Variants in ZNF717 observed in about 807,000 individuals in gnomAD.
ZNF717 encodes zinc finger protein 717, also known as krueppel-like factor X17.
Under a neutral mutation model 13.8 loss-of-function variants are expected in ZNF717, and 9 were observed. That is an observed-to-expected ratio of 0.65 (90% CI 0.39 to 1.14). The LOEUF (loss-of-function observed/expected upper bound fraction) is 1.14. Ranked by LOEUF, ZNF717 falls within the 50% of genes most tolerant of loss-of-function variation. The pLI is 0.01. For missense variants in ZNF717, 1,040 were observed against 1,080.7 expected (o/e 0.96, Z 0.53); for synonymous variants, 327 against 364.1 (o/e 0.90, Z 1.16).
intron 2 of ZNF717, among the ~76,000 whole-genome samples, chr3:75,749,592 T>G (rs1164716638): frequency 6.6e-6 from 1 of 152,082 alleles, no homozygotes; most frequent in Non-Finnish European, 1.5e-5. Flanking sequence ...TCTGAATATC[T>G]GTCCCTAACA....
chr3:75,707,665 G>A (rs1259207129), downstream of ZNF717, among the ~76,000 whole-genome samples: 1 of 152,190 alleles, frequency 6.6e-6, no homozygotes, highest in Non-Finnish European at 1.5e-5. Context: ...GCCTCACTCA[G>A]GAAGCTCACG....
Position 75,779,158 on chromosome 3 carries a change from A to T in ZNF717, c.57+4148T>A, listed in dbSNP as rs1283940233. Among the ~76,000 whole-genome samples, 3 of 152,124 alleles carry T rather than the reference A, an allele frequency of 2.0e-5. No homozygotes were observed. In the East Asian group the frequency reaches 5.8e-4, roughly 29 times the overall value. On this transcript the variant is annotated intron_variant, in intron 2 of 4. Coordinates refer to ENST00000652011, the MANE Select transcript of ZNF717 (RefSeq NM_001290208.3). ...CACAAAACAATGGGAGTGACGTGCG[A>T]AAACCGGAACCCAAAACAATGGGAG...
intron 4 of ZNF717, among the ~76,000 whole-genome samples, chr3:75,724,161 G>A (rs111427159): frequency 0.011 from 1,260 of 112,562 alleles, no homozygotes; most frequent in Non-Finnish European, 0.015. Context: ...CATTGGAGAT[G>A]GCTCACACTC....
At chr3:75,776,311 T>C (rs1373671433) in intron 2 of ZNF717, among the ~76,000 whole-genome samples, 1 of 152,286 alleles carries the variant, frequency 6.6e-6, no homozygotes, top group Non-Finnish European at 1.5e-5. Context: ...TTGTCAAACC[T>C]ATATTCCTAG....
intron 1 of ZNF717, chr3:75,785,067 T>G (rs1945066370): frequency 6.6e-6 from 1 of 152,190 alleles, no homozygotes; most frequent in African/African-American, 2.4e-5. Flanking sequence ...GAAACTTCAC[T>G]TGCTAAAGAG....
intron 2 of ZNF717, among the ~76,000 whole-genome samples, chr3:75,778,586 A>G (rs1944526319): frequency 6.6e-6 from 1 of 151,102 alleles, no homozygotes; most frequent in Middle Eastern, 3.2e-3. Context: ...AAACAATGGG[A>G]GTGACCTGCC....
Position 75,738,232 on chromosome 3 carries a change from G to A in ZNF717, c.1391C>T (p.Ser464Leu), listed in dbSNP as rs1449738439. ...AGTTCTCTGATGTAACCTGAGGTTT[G>A]ACTTATTGATAAAGGGTTTTCCACA... ...NECGKPFINK[S>L]NLRLHQRTHT... is the part of the protein sequence containing the mutation. The change falls in exon 5 of 5, where the codon TCA becomes TTA. Residue 464 changes from serine (S) to leucine (L), a missense_variant. Physicochemically the swap from Ser to Leu is moderately radical, Grantham distance 145. This residue lies in a region of ZNF717 where 873 missense variants were observed against 832.8 expected (regional missense o/e 1.05). Transcript: ENST00000652011. 3.6e-4 allele frequency: 548 copies of A among 1,542,658 alleles called. No homozygotes were observed. The African/African-American group carries it at 5.4e-3, about 15-fold the overall frequency.
intron 4 of ZNF717, 87 bp downstream of exon 4, chr3:75,741,188 GA>G: frequency 6.3e-6 from 5 of 795,338 alleles, no homozygotes; most frequent in South Asian, 5.9e-5. Context: ...AAGACCTAGG[GA>G]AAAAAGTGGT....
chr3:75,713,001 C>T (rs1223105204), intron 5 of ZNF717, among the ~76,000 whole-genome samples: 5 of 151,872 alleles, frequency 3.3e-5, no homozygotes, highest in Non-Finnish European at 7.4e-5. Context: ...AATCCCAGCA[C>T]TTTGGGAGGC....
Position 75,736,646 on chromosome 3 carries a change from A to C in ZNF717, c.*232T>G. ...TGCAGAAGAAATGTTTGAAGCTGGC[A>C]GAGGTTGGTATATGAGCTTCTAGGA... is the stretch of plus-strand genomic sequence containing the variant. On this transcript the variant is annotated 3_prime_UTR_variant, in exon 5 of 5. Coordinates refer to ENST00000652011, the MANE Select transcript of ZNF717 (RefSeq NM_001290208.3). 1 of 505,372 alleles carries C rather than the reference A, an allele frequency of 2.0e-6. No homozygotes were observed. The allele number at this position is 505,372 out of a possible 1,614,324, so 31.3% of individuals were successfully genotyped here. A position where few individuals can be genotyped will look rare whatever the true frequency, so the allele number is the denominator to read the frequency against.
At chr3:75,732,340 T>G (rs1348999851), downstream of ZNF717, among the ~76,000 whole-genome samples, 4 of 152,232 alleles carry the variant, frequency 2.6e-5, no homozygotes, top group African/African-American at 4.8e-5. Flanking sequence ...AAGTTCATAG[T>G]CCAAAAGCAG....
At position 75,738,968 on chromosome 3, in the gene ZNF717, T is replaced by C. The variant is rs1202977348; in HGVS notation, c.655A>G (p.Asn219Asp). ...TGTATAAAGAACATTGCCTCCGTGT[T>C]GAAGGTTTTCCCTTGTTCATTACAT... The part of the protein sequence containing the change: ...FQCNEQGKTF[N>D]TEAMFFIHKR... Residue 219 changes from asparagine (N) to aspartate (D), a missense_variant, in exon 5 of 5, where the codon AAC (asparagine) becomes GAC (aspartate). Physicochemically the swap from Asn to Asp is conservative, Grantham distance 23. Around this residue, in one of 3 missense-constraint regions of ZNF717, gnomAD observed 873 missense variants for 832.8 expected, o/e 1.05. Transcript: ENST00000652011. 6.4e-6 allele frequency: 10 copies of C among 1,551,490 alleles called. No individual in the cohort carries two copies. The African/African-American group carries it at 1.2e-4, about 19-fold the overall frequency.
chr3:75,773,764 A>AAC (rs1944077543), intron 2 of ZNF717, among the ~76,000 whole-genome samples: 1 of 143,002 alleles, frequency 7.0e-6, no homozygotes, highest in Non-Finnish European at 1.6e-5. Flanking sequence ...TAACAAAAAA[A>AAC]AATGGCCAGG....
At chr3:75,708,629 C>T (rs373314287), downstream of ZNF717, among the ~76,000 whole-genome samples, 32 of 152,024 alleles carry the variant, frequency 2.1e-4, no homozygotes, top group Admixed American at 3.9e-4. Flanking sequence ...ATGACTTTGA[C>T]GAGTTGAGAG....
intron 2 of ZNF717, among the ~76,000 whole-genome samples, chr3:75,770,835 G>C (rs1285843662): frequency 2.0e-5 from 3 of 152,186 alleles, no homozygotes; most frequent in Non-Finnish European, 4.4e-5. Context: ...CTAAGCTGTA[G>C]AGAAACAGGA....
chr3:75,756,319 A>C (rs1161010316), intron 2 of ZNF717, among the ~76,000 whole-genome samples: 2 of 152,218 alleles, frequency 1.3e-5, no homozygotes, highest in African/African-American at 4.8e-5. Context: ...GCTTCTTTTT[A>C]TTAATATTAA....
intron 2 of ZNF717, among the ~76,000 whole-genome samples, chr3:75,774,343 A>C (rs551616782): frequency 1.3e-5 from 2 of 152,144 alleles, no homozygotes; most frequent in Non-Finnish European, 2.9e-5. Flanking sequence ...CTATTTCATA[A>C]CATCAAGTGT....
At chr3:75,779,816 T>A (rs1480844815) in intron 2 of ZNF717, among the ~76,000 whole-genome samples, 7 of 110,192 alleles carry the variant, frequency 6.4e-5, no homozygotes, top group East Asian at 2.9e-4. Context: ...CATGGGAGTG[T>A]CGTGCTAAAC....
intron 6 of ZNF717, among the ~76,000 whole-genome samples, chr3:75,702,344 A>G (rs1937712378): frequency 6.6e-6 from 1 of 152,308 alleles, no homozygotes; most frequent in Non-Finnish European, 1.5e-5. Flanking sequence ...GTAAGTCTTT[A>G]TGTTAAGTGA....
Sources: gnomAD v4.1 joint callset for allele counts (sites outside exome capture counted in the v4.1 genomes callset) on GRCh38, gnomAD v4.1.1 for gene constraint, gnomAD v4.1.1 regional missense constraint, MANE v1.5 for transcripts, NCBI Gene and HGNC (gene_info 2026-07-23, HGNC 2026-07-21) for gene names.